ALOX12B: variants seen among roughly 807,000 people sequenced by gnomAD.
The protein encoded by ALOX12B is arachidonate 12-lipoxygenase, 12R-type.
In ALOX12B, 47 loss-of-function variants were observed where a neutral mutation model predicts 78.9. That is an observed-to-expected ratio of 0.60 (90% CI 0.47 to 0.76). ALOX12B has a LOEUF of 0.76. Ranked by LOEUF, ALOX12B falls within the 30% of genes least tolerant of loss-of-function variation. The pLI is 0.00. For missense variants in ALOX12B, 805 were observed against 922.6 expected, an observed-to-expected ratio of 0.87 and a Z score of 1.65; for synonymous variants, 370 against 374.5, an observed-to-expected ratio of 0.99 and a Z score of 0.14.
At position 8,073,146 on chromosome 17, in the gene ALOX12B, A is replaced by C. The variant is rs1977016035; in HGVS notation, c.1926+2T>G. 6.2e-7 allele frequency: 1 copy of C among 1,613,636 alleles called. No homozygotes were observed. The highest frequency in any genetic ancestry group is 8.5e-7 in the Non-Finnish European group (1 of 1,179,956). ...CTCAGAGTCCCCCATCCCGTCTCGC[A>C]CCCTGTCGTCAGGCTCTCGGCTGAG... On this transcript the variant is annotated splice_donor_variant, in intron 14 of 14. Transcript: ENST00000647874. LOFTEE classifies it high-confidence loss of function.
chr17:8,080,797 A>G lies in ALOX12B; in HGVS notation c.528-17T>C. The G allele has an allele frequency of 6.2e-7, 1 of 1,614,096 alleles. No homozygotes were observed. The highest frequency in any genetic ancestry group is 8.5e-7 in the Non-Finnish European group (1 of 1,180,008). ...CCATTCCACCTGTGGGGAGAAGCGC[A>G]GGGCAACTGGGATCCAGGGGGCGGG... On this transcript the variant is annotated splice_polypyrimidine_tract_variant and intron_variant, in intron 4 of 14. Transcript: ENST00000647874. This position sits in a 1 kb window ranked among gnomAD's most constrained non-coding sequence, Gnocchi z 4.8.
intron 2 of ALOX12B, 90 bp from the exon 3 acceptor site, chr17:8,081,277 G>A: frequency 2.3e-6 from 3 of 1,332,974 alleles, no homozygotes; most frequent in East Asian, 2.4e-5. Flanking sequence ...GCCCCAGGTC[G>A]TCTCTGGGGG....
chr17:8,085,598 C>T (rs76144093), intron 2 of ALOX12B, among the ~76,000 whole-genome samples: 1,548 of 152,252 alleles, frequency 0.01, 21 homozygotes, highest in African/African-American at 0.035. Context: ...AGTAACAGGG[C>T]GTCTTTCTGG....
Position 8,079,382 on chromosome 17 carries a change from T to C in ALOX12B, c.1071+14A>G, listed in dbSNP as rs567562103. On this transcript the variant is annotated intron_variant, in intron 8 of 14. Transcript: ENST00000647874. The surrounding 1 kb of genome is among the most constrained non-coding windows in gnomAD (Gnocchi z 6.4). ...ACAGAGGCTCAGCGGCAGCGCCGCC[T>C]GCAGCCCAGGCACCTGGATGGCGAT... 1.3e-6 allele frequency: 2 copies of C among 1,552,232 alleles called. No individual in the cohort carries two copies. Among genetic ancestry groups the C allele is most frequent in the East Asian group, 2.4e-5 (1 of 41,344 alleles).
rs759901039 is a variant in ALOX12B, at chr17:8,087,245, C to CACACACACACAG, written c.147+50_147+51insCTGTGTGTGTGT. The CACACACACACAG allele has an allele frequency of 4.9e-4, 697 of 1,419,150 alleles. 1 individual carries two copies. The highest frequency in any genetic ancestry group is 3.0e-3 in the African/African-American group (158 of 52,894). The allele number at this position is 1,419,150 out of a possible 1,614,324, so 87.9% of individuals were successfully genotyped here. A position where few individuals can be genotyped will look rare whatever the true frequency, so the allele number is the denominator to read the frequency against. ...ACACACAGACACACACAGACACACACACACACACACACAGACACACACACA... is the reference window on the plus strand; with the variant it reads ...ACACACAGACACACACAGACACACACACACACACACAGACACACACACACAGACACACACACA... On this transcript the variant is annotated intron_variant, in intron 1 of 14. Transcript: ENST00000647874.
chr17:8,073,162 C>T lies in ALOX12B; in HGVS notation c.1912G>A (p.Glu638Lys). 1 of 1,614,174 alleles carries T rather than the reference C, an allele frequency of 6.2e-7. No homozygotes were observed. The highest frequency in any genetic ancestry group is 8.5e-7 in the Non-Finnish European group (1 of 1,180,046). The change falls in exon 14 of 15, where the codon GAG becomes AAG. Residue 638 changes from glutamate to lysine, a missense_variant. Coordinates refer to ENST00000647874, the MANE Select transcript of ALOX12B (RefSeq NM_001139.3). ...CCGTCTCGCACCCTGTCGTCAGGCTCTCGGCTGAGGGTCCAGAGCACCAGC... is the reference window on the plus strand; with the variant it reads ...CCGTCTCGCACCCTGTCGTCAGGCTTTCGGCTGAGGGTCCAGAGCACCAGC... ...TLLVLWTLSR[E>K]PDDRRPLGHF...
Position 8,079,821 on chromosome 17 carries a change from T to C in ALOX12B, c.875A>G (p.Asp292Gly). ...RIPDKFPVTD[D>G]MVAPFLGEGT... ...CTCGCCCAGGAACGGAGCCACCATGTCGTCTGTGACGGGGAACTTGTCTGG... is the reference window on the plus strand; with the variant it reads ...CTCGCCCAGGAACGGAGCCACCATGCCGTCTGTGACGGGGAACTTGTCTGG... Residue 292 changes from aspartate to glycine, a missense_variant, in exon 7 of 15, where the codon GAC becomes GGC. Physicochemically the swap from Asp to Gly is moderately conservative, Grantham distance 94. Coordinates refer to ENST00000647874, the MANE Select transcript of ALOX12B (RefSeq NM_001139.3). This position sits in a 1 kb window ranked among gnomAD's most constrained non-coding sequence, Gnocchi z 6.4. 1 of 1,613,482 alleles carries C rather than the reference T, an allele frequency of 6.2e-7. No homozygotes were observed. Among genetic ancestry groups the C allele is most frequent in the Non-Finnish European group, 8.5e-7 (1 of 1,179,936 alleles).
chr17:8,074,999 AC>A (rs902474556), intron 12 of ALOX12B, among the ~76,000 whole-genome samples: 2 of 151,682 alleles, frequency 1.3e-5, no homozygotes. Context: ...TCTCTCCACT[AC>A]CCCTTCCCAA....
In ALOX12B at chr17:8,072,819, G is replaced by C. The variant is rs763413541; in HGVS notation, c.2058C>G (p.Pro686=). The change falls in exon 15 of 15, where the codon CCC becomes CCG. Residue 686 remains proline, a synonymous_variant. Coordinates refer to ENST00000647874, the MANE Select transcript of ALOX12B (RefSeq NM_001139.3). ...IRQRNKCLPI[P]YYYLDPVLIE... ...TCAGCACCGGGTCCAGGTAGTAGTA[G>C]GGGATGGGAAGGCACTTGTTGCGCT... 2 of 1,614,250 alleles carry C rather than the reference G, an allele frequency of 1.2e-6. No homozygotes were observed. Among genetic ancestry groups the C allele is most frequent in the Admixed American group, 3.3e-5 (2 of 60,034 alleles).
chr17:8,083,139 A>G (rs545102941), intron 2 of ALOX12B, among the ~76,000 whole-genome samples: 117 of 152,204 alleles, frequency 7.7e-4, no homozygotes, highest in Non-Finnish European at 7.9e-4. Context: ...TGTGGTAGAT[A>G]TAGCACATAA....
chr17:8,087,235 CAGACACACACACACACACACACAG>C lies in ALOX12B; in HGVS notation c.147+37_147+60del, dbSNP rs1286473874. On this transcript the variant is annotated intron_variant, in intron 1 of 14. Coordinates refer to ENST00000647874, the MANE Select transcript of ALOX12B (RefSeq NM_001139.3). ...ACACACAGACACACACAGACACACA[CAGACACACACACACACACACACAG>C]ACACACACACACACACACACACACA... 113 of 1,117,226 alleles carry C rather than the reference CAGACACACACACACACACACACAG, an allele frequency of 1.0e-4. No homozygotes were observed. The African/African-American group carries it at 5.6e-3, about 56-fold the overall frequency. The allele number at this position is 1,117,226 out of a possible 1,614,324, so 69.2% of individuals were successfully genotyped here.
At chr17:8,082,524 G>A (rs901310968) in intron 2 of ALOX12B, among the ~76,000 whole-genome samples, 5 of 152,236 alleles carry the variant, frequency 3.3e-5, no homozygotes, top group Non-Finnish European at 7.3e-5. Flanking sequence ...AGTTAAGCCT[G>A]TTCCCACTAG....
At position 8,079,928 on chromosome 17, in the gene ALOX12B, C is replaced by T; in HGVS notation, c.768G>A (p.Glu256=). The T allele has an allele frequency of 6.2e-7, 1 of 1,612,366 alleles. No homozygotes were observed. The highest frequency in any genetic ancestry group is 8.5e-7 in the Non-Finnish European group (1 of 1,179,436). ...KKSVVSEYVA[E]HWAEDTFFGY... is the part of the protein sequence containing the mutation. Reference sequence around the variant, plus strand: ...CAAAGAAGGTGTCCTCTGCCCAGTGCTCGGCCACGTACTCTGCGAGGACGG... The same window carrying T: ...CAAAGAAGGTGTCCTCTGCCCAGTGTTCGGCCACGTACTCTGCGAGGACGG... The change falls in exon 7 of 15, where the codon GAG becomes GAA. Residue 256 remains glutamate (E), a synonymous_variant. Coordinates refer to ENST00000647874, the MANE Select transcript of ALOX12B (RefSeq NM_001139.3). This position sits in a 1 kb window ranked among gnomAD's most constrained non-coding sequence, Gnocchi z 6.4.
rs3027293 is a variant in ALOX12B, at chr17:8,084,422, C to T, written c.352+1594G>A. Among the ~76,000 whole-genome samples, 593 of 152,280 alleles carry T rather than the reference C, an allele frequency of 3.9e-3. 10 individuals are homozygous for T. The highest frequency in any genetic ancestry group is 0.013 in the African/African-American group (557 of 41,548). ...ACCTAGCTCGTTTTCATCCCCAGGG[C>T]GGAAGACTCACTCCTTTGAGGGCCC... is the stretch of plus-strand genomic sequence containing the variant. On this transcript the variant is annotated intron_variant, in intron 2 of 14. Coordinates refer to ENST00000647874, the MANE Select transcript of ALOX12B (RefSeq NM_001139.3).
At chr17:8,076,957 G>A in intron 9 of ALOX12B, 33 bp downstream of exon 9, 2 of 1,602,462 alleles carry the variant, frequency 1.2e-6, no homozygotes, top group Non-Finnish European at 1.7e-6. Context: ...GGGCCATGAT[G>A]CCTGGGGGAG....
intron 14 of ALOX12B, 26 bp from the exon 15 acceptor site, chr17:8,072,976 G>A: frequency 1.2e-6 from 2 of 1,605,142 alleles, no homozygotes; most frequent in Non-Finnish European, 1.7e-6. Flanking sequence ...TCGACAGCTG[G>A]GACCAGGGCC....
At chr17:8,075,071 C>A (rs1327218735) in intron 12 of ALOX12B, among the ~76,000 whole-genome samples, 1 of 151,196 alleles carries the variant, frequency 6.6e-6, no homozygotes, top group African/African-American at 2.4e-5. Flanking sequence ...TACCTGCCAC[C>A]CCAGACTGTG....
At chr17:8,077,258 G>T in intron 8 of ALOX12B, 65 bp from the exon 9 acceptor site, 3 of 1,480,012 alleles carry the variant, frequency 2.0e-6, no homozygotes, top group Non-Finnish European at 2.8e-6. Flanking sequence ...AGGCCCCACC[G>T]CAGGAAGGAG....
chr17:8,076,767 AAGAG>A, intron 9 of ALOX12B, 24 bp from the exon 10 acceptor site: 1 of 1,547,654 alleles, frequency 6.5e-7, no homozygotes, highest in Non-Finnish European at 8.7e-7. Context: ...AAGGAGGATG[AAGAG>A]AGAGGGCTGA....
Sources: allele counts gnomAD v4.1 joint callset (sites outside exome capture counted in the v4.1 genomes callset), GRCh38; gene constraint gnomAD v4.1.1; non-coding constraint Gnocchi (gnomAD v3.1); transcripts MANE v1.5; gene names NCBI Gene and HGNC (gene_info 2026-07-23, HGNC 2026-07-21).